GABRG3: variants seen among roughly 807,000 people sequenced by gnomAD.
GABRG3 encodes gamma-aminobutyric acid type A receptor subunit gamma3.
In GABRG3, 25 loss-of-function variants were observed where a neutral mutation model predicts 48.8. The ratio of observed to expected loss-of-function variants is 0.51; its 90% CI spans 0.37 to 0.72. GABRG3 has a LOEUF of 0.72. Among genes scored for constraint, GABRG3 ranks in the 30% least tolerant of loss-of-function variants. The pLI is 0.00. For missense variants in GABRG3, 394 were observed against 577.9 expected (o/e 0.68, Z 3.26); for synonymous variants, 227 against 217.6 (o/e 1.04, Z -0.38).
chr15:27,248,803 C>CACACACACAG (rs1377080195), intron 3 of GABRG3, among the ~76,000 whole-genome samples: 19 of 110,240 alleles, frequency 1.7e-4, no homozygotes, highest in African/African-American at 7.0e-4. Context: ...CACACACACA[C>CACACACACAG]AGAGAGAGAG....
chr15:27,244,180 GGAAAAT>G (rs1168127145), intron 3 of GABRG3, among the ~76,000 whole-genome samples: 1 of 152,148 alleles, frequency 6.6e-6, no homozygotes. Flanking sequence ...ACCAGGGCTT[GGAAAAT>G]GAAAATGAAA....
At chr15:27,131,246 G>C (rs75389290) in intron 3 of GABRG3, among the ~76,000 whole-genome samples, 188 of 152,174 alleles carry the variant, frequency 1.2e-3, no homozygotes, top group African/African-American at 4.1e-3. Flanking sequence ...TTTCACAAAA[G>C]GGCGTTGAAG....
At chr15:27,294,329 A>G (rs1164294256) in intron 3 of GABRG3, among the ~76,000 whole-genome samples, 1 of 145,878 alleles carries the variant, frequency 6.9e-6, no homozygotes, top group East Asian at 2.0e-4. Flanking sequence ...CAATCCTGCC[A>G]TCTCATCTTC....
intron 3 of GABRG3, among the ~76,000 whole-genome samples, chr15:27,198,243 C>T (rs1168329474): frequency 2.6e-5 from 4 of 152,174 alleles, no homozygotes; most frequent in African/African-American, 9.7e-5. Flanking sequence ...CTTTTGCAGT[C>T]TATCCATCTG....
intron 3 of GABRG3, among the ~76,000 whole-genome samples, chr15:27,307,510 C>CAT (rs776441534): frequency 7.3e-4 from 17 of 23,338 alleles, no homozygotes; most frequent in African/African-American, 3.5e-3. Context: ...TATATATAAA[C>CAT]ATAGGTTTAT....
chr15:27,152,698 T>C (rs1898339211), intron 3 of GABRG3, among the ~76,000 whole-genome samples: 1 of 152,178 alleles, frequency 6.6e-6, no homozygotes. Context: ...GTCCCTTTTC[T>C]AATTGGATTT....
chr15:27,446,044 A>G (rs1888935288), intron 5 of GABRG3, among the ~76,000 whole-genome samples: 1 of 152,158 alleles, frequency 6.6e-6, no homozygotes. Flanking sequence ...TAATAACTCT[A>G]ACTTTGCCAC....
intron 5 of GABRG3, among the ~76,000 whole-genome samples, chr15:27,330,427 G>A (rs867560538): frequency 1.3e-5 from 2 of 152,158 alleles, no homozygotes; most frequent in South Asian, 2.1e-4. Flanking sequence ...TGTGCGGCCC[G>A]TGGAGGCCCA....
intron 3 of GABRG3, among the ~76,000 whole-genome samples, chr15:27,181,314 A>T (rs1361153257): frequency 6.6e-6 from 1 of 152,170 alleles, no homozygotes; most frequent in African/African-American, 2.4e-5. Context: ...GGAGAGAAAA[A>T]CAAGAGTTAG....
chr15:27,259,909 G>A (rs1205520998), intron 3 of GABRG3, among the ~76,000 whole-genome samples: 1 of 152,104 alleles, frequency 6.6e-6, no homozygotes, highest in Non-Finnish European at 1.5e-5. Context: ...GAAATTTTGC[G>A]ACCCCAGGGA....
chr15:27,238,729 G>T (rs781407250), intron 3 of GABRG3, among the ~76,000 whole-genome samples: 5 of 152,052 alleles, frequency 3.3e-5, no homozygotes, highest in African/African-American at 7.2e-5. Flanking sequence ...GGATATTTTC[G>T]AACTTTTCAG....
At chr15:27,406,542 ACAAGAAAACAT>A (rs1314996211) in intron 5 of GABRG3, among the ~76,000 whole-genome samples, 6 of 152,324 alleles carry the variant, frequency 3.9e-5, no homozygotes, top group African/African-American at 1.4e-4. Flanking sequence ...ATGTTTAGCC[ACAAGAAAACAT>A]CAGGCAAAAC....
At chr15:27,174,664 T>C (rs768120863) in intron 3 of GABRG3, among the ~76,000 whole-genome samples, 38 of 152,112 alleles carry the variant, frequency 2.5e-4, no homozygotes, top group Admixed American at 7.2e-4. Context: ...TAGGTCCTTA[T>C]GTTTTCAATG....
At chr15:27,027,226 G>T (rs903189907) in intron 3 of GABRG3, among the ~76,000 whole-genome samples, 1 of 152,216 alleles carries the variant, frequency 6.6e-6, no homozygotes, top group Non-Finnish European at 1.5e-5. Context: ...TTCAGCTCAA[G>T]AACTATTGGA....
At chr15:27,068,283 A>T (rs763128815) in intron 3 of GABRG3, among the ~76,000 whole-genome samples, 1 of 152,218 alleles carries the variant, frequency 6.6e-6, no homozygotes, top group Non-Finnish European at 1.5e-5. Context: ...GTGCTGGGGG[A>T]GATGCTCGCA....
intron 3 of GABRG3, among the ~76,000 whole-genome samples, chr15:27,267,581 A>C (rs1175644635): frequency 6.6e-6 from 1 of 152,148 alleles, no homozygotes; most frequent in Non-Finnish European, 1.5e-5. Context: ...CTGAGACTAC[A>C]GAGGCCACCA....
intron 6 of GABRG3, among the ~76,000 whole-genome samples, chr15:27,508,748 C>A (rs939344321): frequency 8.6e-5 from 13 of 151,806 alleles, no homozygotes; most frequent in Non-Finnish European, 1.6e-4. Context: ...GAGTCTCGCT[C>A]CATCACCCAG....
At chr15:27,320,387 A>T (rs1471594966) in intron 3 of GABRG3, among the ~76,000 whole-genome samples, 2 of 152,038 alleles carry the variant, frequency 1.3e-5, no homozygotes, top group Non-Finnish European at 2.9e-5. Flanking sequence ...ATTGTCTGTC[A>T]AGGGTCTAGG....
chr15:27,527,790 G>C (rs1413172943), intron 8 of GABRG3, 143 bp from the exon 9 acceptor site: 15 of 962,230 alleles, frequency 1.6e-5, no homozygotes, highest in Admixed American at 1.2e-4. Context: ...CTGAAGATGT[G>C]AATGTGACTC....
Sources: allele counts gnomAD v4.1 joint callset (sites outside exome capture counted in the v4.1 genomes callset), GRCh38; gene constraint gnomAD v4.1.1; transcripts MANE v1.5; gene names NCBI Gene and HGNC (gene_info 2026-07-23, HGNC 2026-07-21).